Variants in PRR16 observed in about 807,000 individuals in gnomAD.
The protein encoded by PRR16 is protein Largen.
In PRR16, 6 loss-of-function variants were observed where a neutral mutation model predicts 18.2. That is an observed-to-expected ratio of 0.33 (90% CI 0.18 to 0.65). The LOEUF (loss-of-function observed/expected upper bound fraction) is 0.65, where lower values mean the gene tolerates loss of function less well. Among genes scored for constraint, PRR16 ranks in the 30% least tolerant of loss-of-function variants. The probability of loss-of-function intolerance (pLI) is 0.74; values close to 1 mark genes in which losing one functional copy is unlikely to be tolerated. For synonymous variants in PRR16, 151 were observed against 147.8 expected, an observed-to-expected ratio of 1.02 and a Z score of -0.16; for missense variants, 412 against 376.6, an observed-to-expected ratio of 1.09 and a Z score of -0.78.
intron 1 of PRR16, among the ~76,000 whole-genome samples, chr5:120,573,458 G>A (rs1028748715): frequency 2.6e-5 from 4 of 152,092 alleles, no homozygotes; most frequent in African/African-American, 7.2e-5. Context: ...AATATGTCCT[G>A]CCTTGTTTCT....
intron 1 of PRR16, among the ~76,000 whole-genome samples, chr5:120,474,909 G>A (rs1749391682): frequency 1.3e-5 from 2 of 152,174 alleles, no homozygotes; most frequent in Non-Finnish European, 2.9e-5. Context: ...TTGACTAGTG[G>A]AAGGACTTTT....
chr5:120,570,886 A>T lies in PRR16; in HGVS notation c.159+106241A>T, dbSNP rs569295922. 9.6e-4 allele frequency among the ~76,000 whole-genome samples: 146 copies of T among 152,288 alleles called. 3 individuals are homozygous for T. In the Middle Eastern group the frequency reaches 0.014, roughly 14 times the overall value. Reference sequence around the variant, plus strand: ...AAAGTTCTTAAAGAAGAATATGAATACAATAAAATTATAAAAAAAGTATGA... The same window carrying T: ...AAAGTTCTTAAAGAAGAATATGAATTCAATAAAATTATAAAAAAAGTATGA... On this transcript the variant is annotated intron_variant, in intron 1 of 1. Transcript: ENST00000407149.
chr5:120,739,949 T>A, the PRR16 span, among the ~76,000 whole-genome samples: 2 of 152,168 alleles, frequency 1.3e-5, no homozygotes, highest in South Asian at 4.1e-4. Flanking sequence ...AAATTGGAAA[T>A]GGCAGATTTG....
chr5:120,647,245 G>A (rs975264871), intron 1 of PRR16, among the ~76,000 whole-genome samples: 1 of 151,966 alleles, frequency 6.6e-6, no homozygotes, highest in East Asian at 1.9e-4. Context: ...CAATTATTCA[G>A]TTGTTGCCTA....
chr5:120,776,352 T>C, the PRR16 span, among the ~76,000 whole-genome samples: 1 of 152,170 alleles, frequency 6.6e-6, no homozygotes, highest in Non-Finnish European at 1.5e-5. Context: ...TCAAGCACTT[T>C]GGGCAGTTCA....
rs528505609 is a variant in PRR16 at position 120,609,000 on chromosome 5, C to T, written c.160-76954C>T. 1.7e-4 allele frequency among the ~76,000 whole-genome samples: 26 copies of T among 152,132 alleles called. No individual in the cohort carries two copies. The South Asian group carries it at 3.1e-3, about 18-fold the overall frequency. The stretch of plus-strand genomic sequence containing the variant: ...AAGAAAATTAATCCTTGAAACTCTT[C>T]GTATTCAAAAGAGAGCTGATTATTC... On this transcript the variant is annotated intron_variant, in intron 1 of 1. Transcript: ENST00000407149.
At chr5:120,528,343 C>G (rs927598894) in intron 1 of PRR16, among the ~76,000 whole-genome samples, 2 of 152,086 alleles carry the variant, frequency 1.3e-5, no homozygotes, top group African/African-American at 2.4e-5. Context: ...TTTGGTGTTA[C>G]CTTACGAAGA....
At chr5:120,574,603 A>G (rs1476187044) in intron 1 of PRR16, among the ~76,000 whole-genome samples, 1 of 149,770 alleles carries the variant, frequency 6.7e-6, no homozygotes, top group Non-Finnish European at 1.5e-5. Flanking sequence ...CTCTGTCTCA[A>G]AAACAAAAAC....
intron 1 of PRR16, among the ~76,000 whole-genome samples, chr5:120,530,666 T>C (rs953180398): frequency 6.6e-6 from 1 of 152,256 alleles, no homozygotes; most frequent in East Asian, 1.9e-4. Flanking sequence ...ACAGTGTAAC[T>C]GAGCAGCATT....
At chr5:120,765,965 G>C in the PRR16 span, among the ~76,000 whole-genome samples, 1 of 152,008 alleles carries the variant, frequency 6.6e-6, no homozygotes, top group South Asian at 2.1e-4. Flanking sequence ...GTATACTACT[G>C]TTATGGAAAC....
the PRR16 span, among the ~76,000 whole-genome samples, chr5:120,704,884 G>C: frequency 3.9e-5 from 6 of 152,102 alleles, no homozygotes; most frequent in African/African-American, 1.4e-4. Flanking sequence ...TAAGAGACAA[G>C]AATGTACTTA....
the PRR16 span, among the ~76,000 whole-genome samples, chr5:120,748,978 C>A: frequency 6.6e-6 from 1 of 152,000 alleles, no homozygotes; most frequent in African/African-American, 2.4e-5. Flanking sequence ...AACAATTTTA[C>A]TCCTGCTGAA....
Position 120,490,556 on chromosome 5 carries a change from A to T in PRR16, c.159+25911A>T, listed in dbSNP as rs1228056669. Among the ~76,000 whole-genome samples, 5 of 152,030 alleles carry T rather than the reference A, an allele frequency of 3.3e-5. No individual in the cohort carries two copies. In the East Asian group the frequency reaches 7.7e-4, roughly 24 times the overall value. On this transcript the variant is annotated intron_variant, in intron 1 of 1. Transcript: ENST00000407149. ...GTTATTCTAGTTAGCCATTCGTCTAATCTTTTTTCAAGGTATTTAACTTCT... is the reference window on the plus strand; with the variant it reads ...GTTATTCTAGTTAGCCATTCGTCTATTCTTTTTTCAAGGTATTTAACTTCT...
chr5:120,644,452 C>T (rs564753356), intron 1 of PRR16, among the ~76,000 whole-genome samples: 2 of 152,060 alleles, frequency 1.3e-5, no homozygotes, highest in African/African-American at 2.4e-5. Flanking sequence ...TTAAAAGAAC[C>T]TCATGGGATT....
At chr5:120,723,227 G>A in the PRR16 span, among the ~76,000 whole-genome samples, 1 of 151,836 alleles carries the variant, frequency 6.6e-6, no homozygotes. Context: ...ACAGGACTAA[G>A]AAGAATTGAT....
At chr5:120,757,126 TGTGG>T in the PRR16 span, among the ~76,000 whole-genome samples, 1 of 152,086 alleles carries the variant, frequency 6.6e-6, no homozygotes. Context: ...ATCAGATGGC[TGTGG>T]GTTTGTGGCC....
the PRR16 span, among the ~76,000 whole-genome samples, chr5:120,788,840 C>T: frequency 9.9e-5 from 15 of 152,120 alleles, no homozygotes; most frequent in African/African-American, 3.6e-4. Context: ...AGCAGAGTTA[C>T]TGATTTTTTT....
intron 1 of PRR16, among the ~76,000 whole-genome samples, chr5:120,480,167 C>T (rs1580622285): frequency 6.6e-6 from 1 of 152,086 alleles, no homozygotes; most frequent in Admixed American, 6.5e-5. Context: ...CCCAGCTACT[C>T]AGGAGGCTGA....
At chr5:120,653,533 C>A (rs1755864005) in intron 1 of PRR16, among the ~76,000 whole-genome samples, 1 of 151,740 alleles carries the variant, frequency 6.6e-6, no homozygotes, top group Admixed American at 6.6e-5. Context: ...CTTAGAAAAA[C>A]AAAGGTATTC....
Sources: gnomAD v4.1 joint callset for allele counts (sites outside exome capture counted in the v4.1 genomes callset) on GRCh38, gnomAD v4.1.1 for gene constraint, MANE v1.5 for transcripts, NCBI Gene and HGNC (gene_info 2026-07-23, HGNC 2026-07-21) for gene names.